The following BTBD7 variants were observed in gnomAD, a reference collection of about 807,000 sequenced individuals.
BTBD7 encodes BTB domain containing 7, also known as BTB/POZ domain-containing protein 7.
In BTBD7, 38 loss-of-function variants were observed where a neutral mutation model predicts 99.9. That is an observed-to-expected ratio of 0.38 (90% CI 0.29 to 0.50). The LOEUF is 0.50. Among genes scored for constraint, BTBD7 ranks in the 20% least tolerant of loss-of-function variants. The pLI, the probability that BTBD7 is intolerant of heterozygous loss-of-function variation, is 0.93. For synonymous variants in BTBD7, 520 were observed against 511.4 expected, an observed-to-expected ratio of 1.02 and a Z score of -0.23; for missense variants, 1,170 against 1,394.6, an observed-to-expected ratio of 0.84 and a Z score of 2.57.
At chr14:93,311,963 A>T (rs1239584784) in intron 1 of BTBD7, among the ~76,000 whole-genome samples, 1 of 149,456 alleles carries the variant, frequency 6.7e-6, no homozygotes, top group African/African-American at 2.5e-5. Flanking sequence ...AGTTAAAATA[A>T]AAAAAAAAGA....
intron 3 of BTBD7, among the ~76,000 whole-genome samples, chr14:93,292,365 T>G (rs548469724): frequency 6.6e-6 from 1 of 152,118 alleles, no homozygotes; most frequent in Non-Finnish European, 1.5e-5. Flanking sequence ...AAATTTGGTT[T>G]TACAGAAAAA....
chr14:93,322,013 T>C (rs968315952), intron 1 of BTBD7, among the ~76,000 whole-genome samples: 2 of 152,158 alleles, frequency 1.3e-5, no homozygotes, highest in Admixed American at 6.5e-5. Context: ...AGTATTTCTA[T>C]ATAGAGTGCA....
chr14:93,263,434 T>C lies in BTBD7; in HGVS notation c.1371+351A>G, dbSNP rs185841789. Among the ~76,000 whole-genome samples the C allele has an allele frequency of 3.7e-4, 56 of 152,360 alleles. No homozygotes were observed. In the East Asian group the frequency reaches 9.2e-3, roughly 25 times the overall value. ...AAGCTACTGTCTTACAATCTAAGTA[T>C]GTGATGCTCCACCAAAAGTAAGAAA... On this transcript the variant is annotated intron_variant, in intron 4 of 10. Transcript: ENST00000334746.
Position 93,238,914 on chromosome 14 carries a change from CAA to C in BTBD7, c.*3357_*3358del, listed in dbSNP as rs2052190380. 6.6e-6 allele frequency: 1 copy of C among 152,122 alleles called. No homozygotes were observed. Among genetic ancestry groups the C allele is most frequent in the African/African-American group, 2.4e-5 (1 of 41,434 alleles). 9.4% of individuals were successfully genotyped at this position (152,122 alleles called of 1,614,324 possible). ...ATGCAATAAAAAGTTTCTGAGGAAGCAAAAACAAGAATTAGTTAAGGCTTCAT... is the reference window on the plus strand; with the variant it reads ...ATGCAATAAAAAGTTTCTGAGGAAGCAAACAAGAATTAGTTAAGGCTTCAT... On this transcript the variant is annotated 3_prime_UTR_variant, in exon 11 of 11. Coordinates refer to ENST00000334746, the MANE Select transcript of BTBD7 (RefSeq NM_001002860.4).
In BTBD7 at chr14:93,268,919, C is replaced by T. The variant is rs189140777; in HGVS notation, c.1163-4926G>A. ...GATTACAGGCACCCACCATCATGCCCGGCTAATTTTTTATATTTTAGTAGA... is the reference window on the plus strand; with the variant it reads ...GATTACAGGCACCCACCATCATGCCTGGCTAATTTTTTATATTTTAGTAGA... On this transcript the variant is annotated intron_variant, in intron 3 of 10. Transcript: ENST00000334746. Among the ~76,000 whole-genome samples, 43 of 152,142 alleles carry T rather than the reference C, an allele frequency of 2.8e-4. No individual in the cohort carries two copies. In the East Asian group the frequency reaches 6.6e-3, roughly 23 times the overall value.
chr14:93,330,139 G>T (rs1268327368), intron 1 of BTBD7, among the ~76,000 whole-genome samples: 1 of 152,042 alleles, frequency 6.6e-6, no homozygotes. Flanking sequence ...TACCTTCCTG[G>T]TTTACCACAT....
At chr14:93,246,882 A>G (rs185376964) in intron 9 of BTBD7, among the ~76,000 whole-genome samples, 1 of 116,646 alleles carries the variant, frequency 8.6e-6, no homozygotes, top group African/African-American at 3.0e-5. Flanking sequence ...GAAAAACTGT[A>G]GCAAAAAATG....
intron 5 of BTBD7, among the ~76,000 whole-genome samples, chr14:93,259,839 CAGG>C (rs1394569793): frequency 6.6e-6 from 1 of 152,108 alleles, no homozygotes; most frequent in Non-Finnish European, 1.5e-5. Flanking sequence ...GAAGCTGAGG[CAGG>C]AGAATAGCTT....
chr14:93,310,638 G>A (rs559835360), intron 1 of BTBD7, among the ~76,000 whole-genome samples: 31 of 152,050 alleles, frequency 2.0e-4, no homozygotes, highest in Admixed American at 1.3e-4. Context: ...CCAGGTACTC[G>A]GGGGCTGAGG....
chr14:93,313,889 G>A (rs376349835), intron 1 of BTBD7, among the ~76,000 whole-genome samples: 8 of 151,740 alleles, frequency 5.3e-5, no homozygotes, highest in South Asian at 2.1e-4. Flanking sequence ...GTGTGCCAGC[G>A]TGCCCAGCTA....
At chr14:93,278,633 T>A (rs954282514) in intron 3 of BTBD7, among the ~76,000 whole-genome samples, 1 of 152,198 alleles carries the variant, frequency 6.6e-6, no homozygotes, top group Non-Finnish European at 1.5e-5. Context: ...TGCAATGGTA[T>A]TTGTTCATCT....
chr14:93,248,557 T>G lies in BTBD7; in HGVS notation c.2040A>C (p.Glu680Asp). Residue 680 changes from glutamate to aspartate, a missense_variant, in exon 9 of 11, where the codon GAA becomes GAC. Glu to Asp is a conservative substitution (Grantham distance 45). Transcript: ENST00000334746. ...VQRAYALNCGEGATVSYEIQI... is the reference protein window; with the variant it reads ...VQRAYALNCGDGATVSYEIQI... ...GAATTTCATAGCTGACAGTGGCGCC[T>G]TCCCCGCAGTTCAGGGCATAGGCCC... 1 of 1,613,810 alleles carries G rather than the reference T, an allele frequency of 6.2e-7. No individual in the cohort carries two copies. Among genetic ancestry groups the G allele is most frequent in the Non-Finnish European group, 8.5e-7 (1 of 1,179,792 alleles).
At chr14:93,250,778 A>G (rs2052360495) in intron 8 of BTBD7, among the ~76,000 whole-genome samples, 1 of 152,204 alleles carries the variant, frequency 6.6e-6, no homozygotes, top group South Asian at 2.1e-4. Context: ...AATTCCCCTA[A>G]AGTCGTAAGA....
At chr14:93,275,089 G>A (rs2052640709) in intron 3 of BTBD7, among the ~76,000 whole-genome samples, 1 of 152,140 alleles carries the variant, frequency 6.6e-6, no homozygotes. Context: ...TACACAGTGG[G>A]GGGCTACCTA....
intron 1 of BTBD7, among the ~76,000 whole-genome samples, chr14:93,331,952 TA>T (rs2053430818): frequency 6.6e-6 from 1 of 151,066 alleles, no homozygotes; most frequent in Admixed American, 6.6e-5. Context: ...CTCATTACAG[TA>T]AGATGTTTTC....
At chr14:93,247,181 T>C (rs1338077110) in intron 9 of BTBD7, among the ~76,000 whole-genome samples, 1 of 151,878 alleles carries the variant, frequency 6.6e-6, no homozygotes, top group Non-Finnish European at 1.5e-5. Flanking sequence ...CGCATACCAC[T>C]ATGCCTGGGT....
Position 93,333,035 on chromosome 14 carries a change from A to T in BTBD7, c.-322T>A. The T allele has an allele frequency of 2.1e-6, 1 of 484,338 alleles. No homozygotes were observed. Among genetic ancestry groups the T allele is most frequent in the Non-Finnish European group, 3.6e-6 (1 of 280,346 alleles). 30.0% of individuals were successfully genotyped at this position (484,338 alleles called of 1,614,324 possible). The stretch of plus-strand genomic sequence containing the variant: ...CGCCATTTTGACTCCTAGACGGAGC[A>T]GGAGGGGCTCGGTTCGGCGTGGCCC... On this transcript the variant is annotated 5_prime_UTR_variant, in exon 1 of 11. Transcript: ENST00000334746.
intron 3 of BTBD7, among the ~76,000 whole-genome samples, 168 bp from the exon 4 acceptor site, chr14:93,264,161 CTA>C (rs2052518622): frequency 6.6e-6 from 1 of 152,148 alleles, no homozygotes; most frequent in Admixed American, 6.5e-5. Context: ...AAACAATAGA[CTA>C]TGGCATCTAT....
Position 93,333,019 on chromosome 14 carries a change from G to C in BTBD7, c.-306C>G. Reference sequence around the variant, plus strand: ...TCCAGGTTCCCCTCGCCGCCATTTTGACTCCTAGACGGAGCAGGAGGGGCT... The same window carrying C: ...TCCAGGTTCCCCTCGCCGCCATTTTCACTCCTAGACGGAGCAGGAGGGGCT... On this transcript the variant is annotated 5_prime_UTR_variant, in exon 1 of 11. Coordinates refer to ENST00000334746, the MANE Select transcript of BTBD7 (RefSeq NM_001002860.4). 1.9e-6 allele frequency: 1 copy of C among 516,622 alleles called. No individual in the cohort carries two copies. The highest frequency in any genetic ancestry group is 3.3e-6 in the Non-Finnish European group (1 of 302,290). The allele number at this position is 516,622 out of a possible 1,614,324, so 32.0% of individuals were successfully genotyped here.
Sources: gnomAD v4.1 joint callset for allele counts (sites outside exome capture counted in the v4.1 genomes callset) on GRCh38, gnomAD v4.1.1 for gene constraint, MANE v1.5 for transcripts, NCBI Gene and HGNC (gene_info 2026-07-23, HGNC 2026-07-21) for gene names.